Variants in DCC observed in about 807,000 individuals in gnomAD.
The protein encoded by DCC is DCC netrin 1 receptor.
DCC carries 58 observed loss-of-function variants against 172.5 expected under a neutral mutation model. The observed-to-expected ratio is 0.34, with a 90% CI of 0.27 to 0.42. The LOEUF (loss-of-function observed/expected upper bound fraction) is 0.42, where lower values mean the gene tolerates loss of function less well. Among genes scored for constraint, DCC ranks in the 10% least tolerant of loss-of-function variants. The pLI, the probability that DCC is intolerant of heterozygous loss-of-function variation, is 1.00. For missense variants in DCC, 1,740 were observed against 1,791.0 expected (o/e 0.97, Z 0.51); for synonymous variants, 709 against 644.5 (o/e 1.10, Z -1.52).
Position 53,113,554 on chromosome 18 carries a change from G to A in DCC, c.1262-43802G>A, listed in dbSNP as rs117668490. Among the ~76,000 whole-genome samples the A allele has an allele frequency of 5.6e-3, 854 of 151,160 alleles. 6 individuals carry two copies. Among genetic ancestry groups the A allele is most frequent in the Admixed American group, 0.023 (343 of 15,144 alleles). ...GCTTTTTTGGTAACAGCTTTATTAA[G>A]ATATAATTCATATAGTATAAATCCT... is the stretch of plus-strand genomic sequence containing the variant. On this transcript the variant is annotated intron_variant, in intron 7 of 28. Transcript: ENST00000442544.
At chr18:53,158,988 C>CAAA (rs558049091) in intron 8 of DCC, among the ~76,000 whole-genome samples, 5 of 52,348 alleles carry the variant, frequency 9.6e-5, no homozygotes, top group Non-Finnish European at 1.5e-4. Flanking sequence ...GACGCCATCT[C>CAAA]AAAAAAAAAA....
chr18:52,443,088 A>T (rs1452044056), intron 1 of DCC, among the ~76,000 whole-genome samples: 1 of 152,200 alleles, frequency 6.6e-6, no homozygotes, highest in Non-Finnish European at 1.5e-5. Flanking sequence ...GAATAATAAT[A>T]ACTACTATAC....
chr18:52,352,288 A>T (rs1984158537), intron 1 of DCC, among the ~76,000 whole-genome samples: 1 of 152,250 alleles, frequency 6.6e-6, no homozygotes. Context: ...GGCACAGGCC[A>T]GCCCTTCTAG....
At chr18:53,208,055 G>C (rs1398273533) in intron 11 of DCC, among the ~76,000 whole-genome samples, 1 of 151,572 alleles carries the variant, frequency 6.6e-6, no homozygotes, top group African/African-American at 2.4e-5. Context: ...GTTAAGCCTA[G>C]GAGTTCAAGA....
chr18:52,401,697 C>G (rs1157793737), intron 1 of DCC, among the ~76,000 whole-genome samples: 1 of 151,958 alleles, frequency 6.6e-6, no homozygotes, highest in Non-Finnish European at 1.5e-5. Context: ...AGTCCTAGAG[C>G]AGTGAATTAT....
rs1340302918 is a variant in DCC at position 53,386,073 on chromosome 18, A to G, written c.2390A>G (p.Lys797Arg). 1 of 1,613,198 alleles carries G rather than the reference A, an allele frequency of 6.2e-7. No individual in the cohort carries two copies. The highest frequency in any genetic ancestry group is 8.5e-7 in the Non-Finnish European group (1 of 1,179,232). The part of the protein sequence containing the change: ...ESSSHYVISL[K>R]AFNNAGEGVP... ...AGTTCCCATTATGTAATCTCCCTAA[A>G]AGCTTTTAACAATGCCGGAGAAGGA... is the stretch of plus-strand genomic sequence containing the variant. Residue 797 changes from lysine to arginine, a missense_variant, in exon 16 of 29, where the codon AAA (lysine) becomes AGA (arginine). By Grantham distance (26) the Lys-to-Arg change is conservative. Around this residue, in one of 2 missense-constraint regions of DCC, gnomAD observed 1,732 missense variants for 1,767.4 expected, o/e 0.98. Transcript: ENST00000442544.
At chr18:52,381,817 C>A (rs185666707) in intron 1 of DCC, among the ~76,000 whole-genome samples, 406 of 152,264 alleles carry the variant, frequency 2.7e-3, no homozygotes, top group Non-Finnish European at 4.9e-3. Context: ...TGATCCTACT[C>A]TCATGGTATA....
chr18:53,138,658 C>T (rs182528923), intron 7 of DCC, among the ~76,000 whole-genome samples: 1 of 152,222 alleles, frequency 6.6e-6, no homozygotes, highest in African/African-American at 2.4e-5. Flanking sequence ...TTCAAAATAA[C>T]TCATGGCTCT....
At chr18:52,902,315 A>G (rs1190762488) in intron 2 of DCC, among the ~76,000 whole-genome samples, 2 of 152,242 alleles carry the variant, frequency 1.3e-5, no homozygotes, top group African/African-American at 4.8e-5. Flanking sequence ...TTAGTGATGT[A>G]GGAGCACTGA....
At chr18:52,655,040 A>G (rs2035218880) in intron 1 of DCC, among the ~76,000 whole-genome samples, 1 of 152,102 alleles carries the variant, frequency 6.6e-6, no homozygotes, top group Admixed American at 6.6e-5. Context: ...AGGTGAATGT[A>G]CCAAAGTGGA....
At chr18:52,663,402 T>G (rs931994343) in intron 1 of DCC, among the ~76,000 whole-genome samples, 8 of 152,144 alleles carry the variant, frequency 5.3e-5, no homozygotes, top group Admixed American at 3.9e-4. Flanking sequence ...AGTGGCAGTT[T>G]GCTGAGTTTC....
chr18:53,187,445 G>A, intron 9 of DCC, among the ~76,000 whole-genome samples: 1 of 152,026 alleles, frequency 6.6e-6, no homozygotes, highest in Non-Finnish European at 1.5e-5. Flanking sequence ...TTAACCTAAA[G>A]TTAGTGTTAC....
chr18:52,560,398 T>G (rs1294854624), intron 1 of DCC, among the ~76,000 whole-genome samples: 2 of 152,244 alleles, frequency 1.3e-5, no homozygotes, highest in Non-Finnish European at 2.9e-5. Context: ...AGCTCACTGC[T>G]GTACAGAAAG....
At chr18:52,615,533 A>T (rs996450835) in intron 1 of DCC, among the ~76,000 whole-genome samples, 8 of 152,146 alleles carry the variant, frequency 5.3e-5, no homozygotes, top group Non-Finnish European at 1.2e-4. Flanking sequence ...GGCTTTAAAG[A>T]TCCTTGTCAG....
At chr18:52,758,411 T>C (rs2037109431) in intron 2 of DCC, among the ~76,000 whole-genome samples, 2 of 152,160 alleles carry the variant, frequency 1.3e-5, no homozygotes, top group African/African-American at 4.8e-5. Flanking sequence ...ATTTTTTTCT[T>C]CCCTATTACA....
At chr18:53,044,623 CTT>C (rs1025367454) in intron 5 of DCC, among the ~76,000 whole-genome samples, 1 of 151,804 alleles carries the variant, frequency 6.6e-6, no homozygotes, top group Non-Finnish European at 1.5e-5. Flanking sequence ...GTAGGGTTCT[CTT>C]CTCAAAGTAC....
chr18:52,814,024 C>T (rs756810101), intron 2 of DCC, among the ~76,000 whole-genome samples: 1 of 152,190 alleles, frequency 6.6e-6, no homozygotes, highest in Non-Finnish European at 1.5e-5. Flanking sequence ...ATAACCATTA[C>T]AATAGCATGA....
intron 2 of DCC, among the ~76,000 whole-genome samples, chr18:52,901,084 T>C (rs773187877): frequency 9.2e-5 from 14 of 152,168 alleles, no homozygotes; most frequent in Non-Finnish European, 1.8e-4. Context: ...TTTGTTTATG[T>C]CAGGGAAATA....
intron 28 of DCC, among the ~76,000 whole-genome samples, chr18:53,529,727 G>A (rs558155739): frequency 6.6e-6 from 1 of 152,204 alleles, no homozygotes; most frequent in East Asian, 1.9e-4. Flanking sequence ...CTTTTAATTA[G>A]GATGTCTAGG....
Sources: gnomAD v4.1 joint callset for allele counts (sites outside exome capture counted in the v4.1 genomes callset) on GRCh38, gnomAD v4.1.1 for gene constraint, gnomAD v4.1.1 regional missense constraint, MANE v1.5 for transcripts, NCBI Gene and HGNC (gene_info 2026-07-23, HGNC 2026-07-21) for gene names.